Variants in GABRP observed in about 807,000 individuals in gnomAD.
The protein encoded by GABRP is gamma-aminobutyric acid type A receptor subunit pi.
A neutral mutation model predicts 47.8 loss-of-function variants in GABRP; 52 were observed. The ratio of observed to expected loss-of-function variants is 1.09; its 90% confidence interval spans 0.87 to 1.37. The LOEUF is 1.37. Ranked by LOEUF, GABRP falls within the 40% of genes most tolerant of loss-of-function variation. GABRP has a pLI of 0.00. For synonymous variants in GABRP, 221 were observed against 205.8 expected (o/e 1.07, Z -0.63); for missense variants, 525 against 542.8 (o/e 0.97, Z 0.33).
intron 3 of GABRP, 128 bp from the exon 4 acceptor site, chr5:170,794,103 G>C (rs926196546): frequency 5.3e-5 from 26 of 494,250 alleles, no homozygotes; most frequent in Non-Finnish European, 8.1e-5. Context: ...TATATTTATA[G>C]AATATTTAAA....
At chr5:170,784,437 G>A (rs770377836) in intron 1 of GABRP, among the ~76,000 whole-genome samples, 1 of 152,166 alleles carries the variant, frequency 6.6e-6, no homozygotes, top group Non-Finnish European at 1.5e-5. Context: ...CCAAGAGCAC[G>A]GAGTATAGAA....
chr5:170,789,683 G>A (rs1371695872), intron 3 of GABRP, among the ~76,000 whole-genome samples: 1 of 152,054 alleles, frequency 6.6e-6, no homozygotes, highest in Non-Finnish European at 1.5e-5. Flanking sequence ...GTCCCAGCAT[G>A]CTCGCGTAGA....
At chr5:170,789,325 G>A (rs1765205506) in intron 3 of GABRP, 78 bp downstream of exon 3, 2 of 854,512 alleles carry the variant, frequency 2.3e-6, no homozygotes, top group East Asian at 5.3e-5. Flanking sequence ...GTTTCGGGAG[G>A]TTTTAGTTGA....
intron 1 of GABRP, among the ~76,000 whole-genome samples, chr5:170,786,677 A>T (rs1008378698): frequency 6.6e-6 from 1 of 152,074 alleles, no homozygotes; most frequent in East Asian, 1.9e-4. Flanking sequence ...ATCCTCTCTA[A>T]TCCTCAGTAT....
At chr5:170,807,167 C>T (rs1765757984) in intron 7 of GABRP, among the ~76,000 whole-genome samples, 1 of 152,176 alleles carries the variant, frequency 6.6e-6, no homozygotes, top group South Asian at 2.1e-4. Context: ...CAGCTGGTCT[C>T]GAACTCCTGA....
rs367942987 is a variant in GABRP, at chr5:170,795,272, A to T, written c.305A>T (p.Asn102Ile). Residue 102 changes from asparagine (N) to isoleucine (I), a missense_variant, in exon 5 of 10, where the codon AAC (asparagine) becomes ATC (isoleucine). By Grantham distance (149) the Asn-to-Ile change is moderately radical (BLOSUM62 -3). Transcript: ENST00000265294. Reference protein sequence around the residue: ...WMDQRLVFEGNKSFTLDARLV... With the variant: ...WMDQRLVFEGIKSFTLDARLV... ...GACCAGCGGCTGGTGTTTGAAGGCA[A>T]CAAGAGCTTCACTCTGGATGCCCGC... 4 of 1,613,748 alleles carry T rather than the reference A, an allele frequency of 2.5e-6. No homozygotes were observed. The highest frequency in any genetic ancestry group is 2.2e-5 in the South Asian group (2 of 91,044).
intron 6 of GABRP, among the ~76,000 whole-genome samples, chr5:170,803,855 C>A (rs1211038858): frequency 6.6e-6 from 1 of 152,160 alleles, no homozygotes; most frequent in Admixed American, 6.5e-5. Context: ...AGGCTCACTG[C>A]AAACTCCGCC....
At chr5:170,791,938 G>A (rs916575649) in intron 3 of GABRP, among the ~76,000 whole-genome samples, 3 of 152,230 alleles carry the variant, frequency 2.0e-5, no homozygotes, top group African/African-American at 7.2e-5. Flanking sequence ...TGTGTCATCA[G>A]ATGGTGGAAG....
At chr5:170,800,513 C>T (rs953937063) in intron 6 of GABRP, among the ~76,000 whole-genome samples, 2 of 152,158 alleles carry the variant, frequency 1.3e-5, no homozygotes, top group Non-Finnish European at 2.9e-5. Flanking sequence ...CCTCACTCCC[C>T]ATTGCAAAGG....
At chr5:170,798,956 C>T (rs1765513674) in intron 6 of GABRP, among the ~76,000 whole-genome samples, 1 of 147,642 alleles carries the variant, frequency 6.8e-6, no homozygotes, top group African/African-American at 2.5e-5. Context: ...CTCCCCACAC[C>T]CTTCCTGTGT....
At chr5:170,804,998 A>T (rs13169558) in intron 6 of GABRP, among the ~76,000 whole-genome samples, 2 of 105,960 alleles carry the variant, frequency 1.9e-5, no homozygotes, top group East Asian at 5.5e-4. Context: ...TATATTATAT[A>T]TTATATATAT....
intron 3 of GABRP, among the ~76,000 whole-genome samples, chr5:170,789,783 G>A (rs1181127404): frequency 1.3e-5 from 2 of 152,010 alleles, no homozygotes; most frequent in African/African-American, 4.8e-5. Flanking sequence ...CTCCTACAAT[G>A]CTCCCCAGTG....
At chr5:170,789,004 A>T in intron 2 of GABRP, 125 bp from the exon 3 acceptor site, 1 of 735,230 alleles carries the variant, frequency 1.4e-6, no homozygotes, top group East Asian at 2.5e-5. Context: ...TAGGAATGTC[A>T]CTGCTGGTAC....
rs140214667 is a variant in GABRP at position 170,792,133 on chromosome 5, T to C, written c.173-2098T>C. 4.2e-3 allele frequency among the ~76,000 whole-genome samples: 637 copies of C among 152,326 alleles called. 6 individuals are homozygous for C. The highest frequency in any genetic ancestry group is 0.015 in the African/African-American group (614 of 41,574). On this transcript the variant is annotated intron_variant, in intron 3 of 9. Coordinates refer to ENST00000265294, the MANE Select transcript of GABRP (RefSeq NM_014211.3). ...CAAACCACAGTGGCTCTAGTAGCTC[T>C]GTTTTACAGGTGTGAAACTGTAGCA...
At chr5:170,788,347 T>TAA in intron 1 of GABRP, 1 of 347,806 alleles carries the variant, frequency 2.9e-6, no homozygotes, top group African/African-American at 2.6e-5. Flanking sequence ...AGGCCCTGTT[T>TAA]AAAAAAAATA....
intron 5 of GABRP, 66 bp from the exon 6 acceptor site, chr5:170,797,400 C>T (rs1449422253): frequency 4.0e-6 from 4 of 1,001,320 alleles, no homozygotes; most frequent in South Asian, 3.9e-5. Flanking sequence ...AGTGGGCCTT[C>T]GAAGGAATGT....
intron 1 of GABRP, among the ~76,000 whole-genome samples, chr5:170,786,651 C>T (rs1765137582): frequency 6.6e-6 from 1 of 152,138 alleles, no homozygotes; most frequent in Non-Finnish European, 1.5e-5. Flanking sequence ...ACTACTTAGC[C>T]TTGGAAATAT....
intron 6 of GABRP, among the ~76,000 whole-genome samples, chr5:170,802,719 T>A: frequency 6.6e-6 from 1 of 150,432 alleles, no homozygotes; most frequent in South Asian, 2.1e-4. Context: ...TCAGCCTCTG[T>A]TTCACATATA....
chr5:170,802,249 T>G (rs1391787070), intron 6 of GABRP, among the ~76,000 whole-genome samples: 1 of 152,054 alleles, frequency 6.6e-6, no homozygotes, highest in African/African-American at 2.4e-5. Context: ...CCCACCAAAC[T>G]GGGGCACCTG....
Sources: gnomAD v4.1 joint callset for allele counts (sites outside exome capture counted in the v4.1 genomes callset) on GRCh38, gnomAD v4.1.1 for gene constraint, MANE v1.5 for transcripts, NCBI Gene and HGNC (gene_info 2026-07-23, HGNC 2026-07-21) for gene names.